The following RASA2 variants were observed in gnomAD, a reference collection of about 807,000 sequenced individuals.
The protein encoded by RASA2 is RAS p21 protein activator 2.
Under a neutral mutation model 118.2 loss-of-function variants are expected in RASA2, and 155 were observed. The observed-to-expected ratio is 1.31, with a 90% CI of 1.15 to 1.50. RASA2 has a LOEUF of 1.50. Among genes scored for constraint, RASA2 ranks in the 40% most tolerant of loss-of-function variants. The pLI is 0.00. For synonymous variants in RASA2, 353 were observed against 349.1 expected, an observed-to-expected ratio of 1.01 and a Z score of -0.12; for missense variants, 1,016 against 1,009.6, an observed-to-expected ratio of 1.01 and a Z score of -0.09.
chr3:141,491,771 G>A (rs2081642170), intron 1 of RASA2, among the ~76,000 whole-genome samples: 1 of 152,152 alleles, frequency 6.6e-6, no homozygotes, highest in Non-Finnish European at 1.5e-5. Context: ...TATTATTAGG[G>A]CATTTGAATA....
intron 1 of RASA2, among the ~76,000 whole-genome samples, chr3:141,511,272 T>A (rs894367324): frequency 1.6e-4 from 25 of 152,218 alleles, no homozygotes; most frequent in Non-Finnish European, 2.8e-4. Flanking sequence ...AAGGAGACAG[T>A]TAAATAGTCA....
At chr3:141,544,994 T>A (rs1315360711) in intron 5 of RASA2, among the ~76,000 whole-genome samples, 1 of 151,728 alleles carries the variant, frequency 6.6e-6, no homozygotes, top group Non-Finnish European at 1.5e-5. Context: ...TACCAGAGGG[T>A]GGAGAGTAGG....
intron 19 of RASA2, among the ~76,000 whole-genome samples, chr3:141,597,386 T>C (rs2083390213): frequency 6.6e-6 from 1 of 152,200 alleles, no homozygotes; most frequent in Non-Finnish European, 1.5e-5. Flanking sequence ...TTATACGAAG[T>C]GTCCAGAAAA....
Position 141,500,994 on chromosome 3 carries a change from AT to A in RASA2, c.134-11166del, listed in dbSNP as rs1299596078. Among the ~76,000 whole-genome samples the A allele has an allele frequency of 2.0e-5, 3 of 152,226 alleles. No individual in the cohort carries two copies. The East Asian group carries it at 5.8e-4, about 29-fold the overall frequency. On this transcript the variant is annotated intron_variant, in intron 1 of 23. Coordinates refer to ENST00000286364, the MANE Select transcript of RASA2 (RefSeq NM_006506.5). ...GTAAAGCCCAGCAGAGATTATTATGATTTAGTAAGATACACCTGTCTGCAGT... is the reference window on the plus strand; with the variant it reads ...GTAAAGCCCAGCAGAGATTATTATGATTAGTAAGATACACCTGTCTGCAGT...
Position 141,610,040 on chromosome 3 carries a change from A to C in RASA2, c.2493A>C (p.Arg831Ser). Residue 831 changes from arginine to serine, a missense_variant, in exon 23 of 24, where the codon AGA becomes AGC. This residue lies in a region of RASA2 where 120 missense variants were observed against 173.2 expected (regional missense o/e 0.69). Coordinates refer to ENST00000286364, the MANE Select transcript of RASA2 (RefSeq NM_006506.5). ...DEPHEKYRKKRSSSAKYGSKE... is the reference protein window; with the variant it reads ...DEPHEKYRKKSSSSAKYGSKE... ...CTCATGAAAAATATAGGAAGAAAAGATCCAGTAGTGCAAAATATGGGAGCA... is the reference window on the plus strand; with the variant it reads ...CTCATGAAAAATATAGGAAGAAAAGCTCCAGTAGTGCAAAATATGGGAGCA... The C allele has an allele frequency of 6.3e-7, 1 of 1,597,030 alleles. No homozygotes were observed. The highest frequency in any genetic ancestry group is 8.5e-7 in the Non-Finnish European group (1 of 1,173,108).
At chr3:141,609,030 C>G (rs2083594336) in intron 21 of RASA2, among the ~76,000 whole-genome samples, 1 of 151,966 alleles carries the variant, frequency 6.6e-6, no homozygotes, top group South Asian at 2.1e-4. Flanking sequence ...AGTGGTTGCA[C>G]AAGTTAAAAA....
At chr3:141,512,060 G>C in intron 1 of RASA2, 103 bp from the exon 2 acceptor site, 2 of 601,660 alleles carry the variant, frequency 3.3e-6, no homozygotes, top group Non-Finnish European at 5.4e-6. Context: ...TTTTTTTTCT[G>C]TGCCACATTA....
At chr3:141,535,658 A>C (rs2082316525) in intron 4 of RASA2, among the ~76,000 whole-genome samples, 1 of 152,176 alleles carries the variant, frequency 6.6e-6, no homozygotes, top group African/African-American at 2.4e-5. Flanking sequence ...GCTTACAATC[A>C]TGGTGGAAGG....
At chr3:141,609,556 A>G (rs777013399) in intron 22 of RASA2, 33 bp downstream of exon 22, 12 of 1,442,422 alleles carry the variant, frequency 8.3e-6, no homozygotes, top group East Asian at 4.6e-5. Context: ...TATAACCATA[A>G]TCTTTCATTA....
At chr3:141,584,872 C>T (rs2083174679) in intron 17 of RASA2, among the ~76,000 whole-genome samples, 1 of 151,324 alleles carries the variant, frequency 6.6e-6, no homozygotes, top group Admixed American at 6.6e-5. Flanking sequence ...TTTATTCATT[C>T]TCTCTCTCTC....
intron 23 of RASA2, among the ~76,000 whole-genome samples, chr3:141,611,820 C>G (rs973064829): frequency 2.6e-5 from 4 of 152,124 alleles, no homozygotes. Flanking sequence ...CCTGTCTTTT[C>G]TGTATTAATG....
chr3:141,599,826 T>C (rs2083436905), intron 19 of RASA2, among the ~76,000 whole-genome samples: 1 of 151,934 alleles, frequency 6.6e-6, no homozygotes, highest in African/African-American at 2.4e-5. Flanking sequence ...CATGGAAAAA[T>C]TGCTTATTGA....
At position 141,613,804 on chromosome 3, in the gene RASA2, A is replaced by T. The variant is rs1246142165; in HGVS notation, c.*1491A>T. 6.6e-6 allele frequency: 1 copy of T among 152,226 alleles called. No homozygotes were observed. The highest frequency in any genetic ancestry group is 1.5e-5 in the Non-Finnish European group (1 of 68,034). The allele number at this position is 152,226 out of a possible 1,614,324, so 9.4% of individuals were successfully genotyped here. A position where few individuals can be genotyped will look rare whatever the true frequency, so the allele number is the denominator to read the frequency against. ...TGGCATACAATCAAAGTTGTTCCAT[A>T]AAAGAATATAACTGAGCAATGTATT... On this transcript the variant is annotated 3_prime_UTR_variant, in exon 24 of 24. Coordinates refer to ENST00000286364, the MANE Select transcript of RASA2 (RefSeq NM_006506.5).
At chr3:141,516,062 G>T (rs1577668139) in intron 2 of RASA2, among the ~76,000 whole-genome samples, 1 of 107,884 alleles carries the variant, frequency 9.3e-6, no homozygotes, top group African/African-American at 3.5e-5. Flanking sequence ...GGGGTGGGGG[G>T]AGGGGGGAGG....
chr3:141,544,772 A>G (rs2151106048), intron 5 of RASA2, among the ~76,000 whole-genome samples: 1 of 152,374 alleles, frequency 6.6e-6, no homozygotes, highest in Non-Finnish European at 1.5e-5. Flanking sequence ...GGATAAAGAA[A>G]ATGCAGTACA....
At chr3:141,514,387 A>G (rs1052339204) in intron 2 of RASA2, among the ~76,000 whole-genome samples, 30 of 152,226 alleles carry the variant, frequency 2.0e-4, no homozygotes, top group African/African-American at 7.2e-4. Context: ...GATAGAAATC[A>G]TATCACTGGT....
intron 19 of RASA2, among the ~76,000 whole-genome samples, chr3:141,596,125 G>A (rs1342154475): frequency 6.6e-6 from 1 of 152,118 alleles, no homozygotes; most frequent in East Asian, 1.9e-4. Flanking sequence ...GCCATATGCT[G>A]GGCCTGGAGT....
chr3:141,490,897 T>A (rs781123126), intron 1 of RASA2, among the ~76,000 whole-genome samples: 7 of 152,218 alleles, frequency 4.6e-5, no homozygotes, highest in Non-Finnish European at 8.8e-5. Context: ...CCTCCCTCCC[T>A]ACTCTGCCCC....
At chr3:141,518,564 G>C (rs887973012) in intron 3 of RASA2, among the ~76,000 whole-genome samples, 25 of 141,638 alleles carry the variant, frequency 1.8e-4, no homozygotes. Flanking sequence ...ATGTTTCTCT[G>C]TGTTTGATAT....
Sources: allele counts gnomAD v4.1 joint callset (sites outside exome capture counted in the v4.1 genomes callset), GRCh38; gene constraint gnomAD v4.1.1; regional missense constraint gnomAD v4.1.1; transcripts MANE v1.5; gene names NCBI Gene and HGNC (gene_info 2026-07-23, HGNC 2026-07-21).